The following ZNF385D variants were observed in gnomAD, a reference collection of about 807,000 sequenced individuals.
ZNF385D encodes zinc finger protein 659.
Under a neutral mutation model 35.8 loss-of-function variants are expected in ZNF385D, and 15 were observed. The observed-to-expected ratio is 0.42, with a 90% CI of 0.28 to 0.64. ZNF385D has a LOEUF of 0.64. Ranked by LOEUF, ZNF385D falls within the 30% of genes least tolerant of loss-of-function variation. ZNF385D has a pLI of 0.23. For synonymous variants in ZNF385D, 212 were observed against 186.8 expected (o/e 1.13, Z -1.10); for missense variants, 474 against 494.6 (o/e 0.96, Z 0.39).
chr3:21,972,999 G>T (rs151042003), intron 3 of ZNF385D, among the ~76,000 whole-genome samples: 4 of 151,936 alleles, frequency 2.6e-5, no homozygotes, highest in Non-Finnish European at 5.9e-5. Context: ...TTTTGAAAAA[G>T]AACTAATATC....
intron 3 of ZNF385D, among the ~76,000 whole-genome samples, chr3:21,921,045 C>G (rs1700433745): frequency 6.8e-6 from 1 of 147,236 alleles, no homozygotes; most frequent in African/African-American, 2.5e-5. Context: ...GAAACCCCAT[C>G]TCTACTAAAA....
rs553252330 is a variant in ZNF385D at position 22,252,964 on chromosome 3, C to G, written c.107-83929G>C. 9.2e-5 allele frequency among the ~76,000 whole-genome samples: 14 copies of G among 152,110 alleles called. No homozygotes were observed. The South Asian group carries it at 2.9e-3, about 32-fold the overall frequency. ...AAGTAACAAAGCATTCTTTTAAAAC[C>G]CAGCATGACAGAGTAGTATCTATTC... is the stretch of plus-strand genomic sequence containing the variant. On this transcript the variant is annotated intron_variant, in intron 2 of 5. Coordinates refer to the ZNF385D transcript ENST00000494108.
At chr3:21,571,905 T>C (rs1275841789) in intron 2 of ZNF385D, among the ~76,000 whole-genome samples, 2 of 152,116 alleles carry the variant, frequency 1.3e-5, no homozygotes, top group Non-Finnish European at 2.9e-5. Context: ...CGTGATGCAT[T>C]ACCCTCCCTA....
chr3:22,258,150 C>T (rs1343684201), intron 2 of ZNF385D, among the ~76,000 whole-genome samples: 1 of 151,626 alleles, frequency 6.6e-6, no homozygotes, highest in African/African-American at 2.4e-5. Flanking sequence ...AGAACAGATT[C>T]CACTTTTAGT....
chr3:22,043,702 C>T lies in ZNF385D; in HGVS notation c.325+125115G>A, dbSNP rs1698814874. On this transcript the variant is annotated intron_variant, in intron 3 of 5. Transcript: ENST00000494108. The stretch of plus-strand genomic sequence containing the variant: ...CCTAAGGGTCTTCAAGACCTTGTTG[C>T]AGCCTCACCTCATTGACTGTGGCTG... 2.0e-5 allele frequency among the ~76,000 whole-genome samples: 3 copies of T among 151,462 alleles called. No homozygotes were observed. The South Asian group carries it at 6.3e-4, about 32-fold the overall frequency.
intron 3 of ZNF385D, among the ~76,000 whole-genome samples, chr3:21,888,095 A>C (rs1698645144): frequency 6.6e-6 from 1 of 151,832 alleles, no homozygotes; most frequent in Non-Finnish European, 1.5e-5. Context: ...CCTTTTTTGG[A>C]AAAAACATCT....
chr3:22,347,439 A>G (rs1048995130), intron 2 of ZNF385D, among the ~76,000 whole-genome samples: 4 of 152,184 alleles, frequency 2.6e-5, no homozygotes, highest in Non-Finnish European at 1.5e-5. Context: ...TACTTGATCT[A>G]TAGCCCCCAA....
At chr3:21,887,762 A>C (rs1278729274) in intron 3 of ZNF385D, among the ~76,000 whole-genome samples, 1 of 152,152 alleles carries the variant, frequency 6.6e-6, no homozygotes, top group Non-Finnish European at 1.5e-5. Context: ...GGAGTCTTAA[A>C]TAATACACAG....
intron 3 of ZNF385D, among the ~76,000 whole-genome samples, chr3:21,876,144 T>A (rs757169110): frequency 6.6e-6 from 1 of 151,750 alleles, no homozygotes; most frequent in Non-Finnish European, 1.5e-5. Context: ...GTTTGCATCT[T>A]GTAAGTGTAA....
chr3:21,877,433 C>G (rs768763983), intron 3 of ZNF385D, among the ~76,000 whole-genome samples: 33 of 152,138 alleles, frequency 2.2e-4, no homozygotes, highest in Non-Finnish European at 4.3e-4. Flanking sequence ...TTCCCAGAAA[C>G]GTGTTAGATT....
rs549468034 is a variant in ZNF385D at position 21,973,005 on chromosome 3, A to T, written c.325+195812T>A. Among the ~76,000 whole-genome samples the T allele has an allele frequency of 1.4e-3, 213 of 152,122 alleles. 1 individual carries two copies. Among genetic ancestry groups the T allele is most frequent in the African/African-American group, 4.6e-3 (193 of 41,552 alleles). ...TTACCAAAGTTTTGAAAAAGAACTA[A>T]TATCAATTTTAATCAAACTATTCTG... On this transcript the variant is annotated intron_variant, in intron 3 of 5. Transcript: ENST00000494108.
intron 3 of ZNF385D, among the ~76,000 whole-genome samples, chr3:21,549,365 A>G (rs2062489950): frequency 6.6e-6 from 1 of 152,172 alleles, no homozygotes; most frequent in African/African-American, 2.4e-5. Flanking sequence ...TTTTCTCTTG[A>G]AATCCCTAGC....
chr3:21,995,535 C>T (rs959282489), intron 3 of ZNF385D, among the ~76,000 whole-genome samples: 4 of 151,990 alleles, frequency 2.6e-5, no homozygotes, highest in Non-Finnish European at 5.9e-5. Context: ...GATCAATCCC[C>T]AGGTCGCTGG....
chr3:21,523,594 AT>A (rs1045282526), intron 3 of ZNF385D, among the ~76,000 whole-genome samples: 2 of 152,196 alleles, frequency 1.3e-5, no homozygotes, highest in African/African-American at 4.8e-5. Context: ...GCTAAGCAAA[AT>A]AAAAAAGACT....
At chr3:22,233,826 A>G (rs1194784366) in intron 2 of ZNF385D, among the ~76,000 whole-genome samples, 1 of 152,038 alleles carries the variant, frequency 6.6e-6, no homozygotes, top group Non-Finnish European at 1.5e-5. Flanking sequence ...TCCTGTACTC[A>G]TATTCTGGTA....
At chr3:22,026,328 T>A (rs188938037) in intron 3 of ZNF385D, among the ~76,000 whole-genome samples, 4 of 152,126 alleles carry the variant, frequency 2.6e-5, no homozygotes, top group African/African-American at 9.7e-5. Flanking sequence ...CCCCCTACAT[T>A]ACCGACAATT....
At chr3:22,229,294 T>A (rs1353055752) in intron 2 of ZNF385D, among the ~76,000 whole-genome samples, 4 of 152,240 alleles carry the variant, frequency 2.6e-5, no homozygotes, top group African/African-American at 9.6e-5. Context: ...CACTTATTTG[T>A]GAGAGGTCCT....
rs73142834 is a variant in ZNF385D, at chr3:21,794,976, A to G, written c.326-129948T>C. 7.1e-3 allele frequency among the ~76,000 whole-genome samples: 1,083 copies of G among 152,310 alleles called. 17 individuals are homozygous for G. Among genetic ancestry groups the G allele is most frequent in the African/African-American group, 0.025 (1,037 of 41,572 alleles). On this transcript the variant is annotated intron_variant, in intron 3 of 5. Transcript: ENST00000494108. ...TCATAGGTGCCTATCTACCTTTTAT[A>G]ATAAAGCTTAATATTTTTACTAATA...
intron 1 of ZNF385D, among the ~76,000 whole-genome samples, chr3:21,741,232 T>C (rs1559572472): frequency 6.6e-6 from 1 of 152,154 alleles, no homozygotes; most frequent in Non-Finnish European, 1.5e-5. Context: ...TACTTATTGA[T>C]TTAAAAGTGA....
Sources: allele counts gnomAD v4.1 joint callset (sites outside exome capture counted in the v4.1 genomes callset), GRCh38; gene constraint gnomAD v4.1.1; transcripts MANE v1.5; gene names NCBI Gene and HGNC (gene_info 2026-07-23, HGNC 2026-07-21).